Variants in RGS6 observed in about 807,000 individuals in gnomAD.
RGS6 encodes regulator of G-protein signaling 6.
In RGS6, 30 loss-of-function variants were observed where a neutral mutation model predicts 78.5. The ratio of observed to expected loss-of-function variants is 0.38; its 90% CI spans 0.29 to 0.52. The LOEUF (loss-of-function observed/expected upper bound fraction) is 0.52. Ranked by LOEUF, RGS6 falls within the 20% of genes least tolerant of loss-of-function variation. The pLI is 0.85. For missense variants in RGS6, 495 were observed against 609.7 expected (o/e 0.81, Z 1.98); for synonymous variants, 206 against 206.0 (o/e 1.00, Z 0.00).
At chr14:72,169,166 T>G (rs2096973241) in intron 2 of RGS6, among the ~76,000 whole-genome samples, 1 of 152,224 alleles carries the variant, frequency 6.6e-6, no homozygotes. Flanking sequence ...AGAGGGAGAC[T>G]TTTCACTCCC....
At chr14:72,536,338 G>A (rs1446807959) in intron 16 of RGS6, 63 bp downstream of exon 16, 65 of 1,189,946 alleles carry the variant, frequency 5.5e-5, no homozygotes, top group Non-Finnish European at 7.9e-5. Context: ...GCTTGCTGCT[G>A]GTTTGAAATG....
rs2283396 is a variant in RGS6 at position 72,302,118 on chromosome 14, T to G, written c.85-49977T>G. Among the ~76,000 whole-genome samples, 1,059 of 152,332 alleles carry G rather than the reference T, an allele frequency of 7.0e-3. 27 individuals carry two copies. Among genetic ancestry groups the G allele is most frequent in the Admixed American group, 0.042 (648 of 15,306 alleles). Reference sequence around the variant, plus strand: ...TTACTTCATTATCCCAACCTCAGCTTCTTCATCTGCAAGGTGGAAGAGGTG... The same window carrying G: ...TTACTTCATTATCCCAACCTCAGCTGCTTCATCTGCAAGGTGGAAGAGGTG... On this transcript the variant is annotated intron_variant, in intron 2 of 17. Coordinates refer to ENST00000553525, the MANE Select transcript of RGS6 (RefSeq NM_001204424.2).
chr14:72,206,636 G>C lies in RGS6; in HGVS notation c.85-145459G>C, dbSNP rs182236548. The stretch of plus-strand genomic sequence containing the variant: ...GGAGCAAGTCACTTCTTACATGGAT[G>C]GCAGCAGGCAGAAAAAGAGAGTTTG... On this transcript the variant is annotated intron_variant, in intron 2 of 17. Transcript: ENST00000553525. Among the ~76,000 whole-genome samples, 329 of 152,180 alleles carry C rather than the reference G, an allele frequency of 2.2e-3. 1 individual carries two copies. The highest frequency in any genetic ancestry group is 2.1e-3 in the Non-Finnish European group (146 of 68,002).
chr14:71,972,356 T>A (rs2093864800), intron 2 of RGS6, among the ~76,000 whole-genome samples: 1 of 149,626 alleles, frequency 6.7e-6, no homozygotes, highest in South Asian at 2.1e-4. Context: ...TTTTTTTTTA[T>A]AATTTCCCTG....
chr14:72,177,913 T>C (rs933296412), intron 2 of RGS6, among the ~76,000 whole-genome samples: 4 of 152,220 alleles, frequency 2.6e-5, no homozygotes, highest in African/African-American at 9.6e-5. Context: ...GGCTTTTCCT[T>C]GTTCAACCAG....
intron 2 of RGS6, among the ~76,000 whole-genome samples, chr14:72,250,810 A>G (rs1374861774): frequency 2.6e-5 from 4 of 152,218 alleles, no homozygotes; most frequent in Admixed American, 2.0e-4. Flanking sequence ...TGTGGATTCA[A>G]TCATTTATTC....
intron 2 of RGS6, among the ~76,000 whole-genome samples, chr14:72,142,737 T>G (rs2096557282): frequency 6.6e-6 from 1 of 152,216 alleles, no homozygotes; most frequent in Non-Finnish European, 1.5e-5. Flanking sequence ...TTACAACATT[T>G]AATGTTCAAG....
At position 72,007,481 on chromosome 14, in the gene RGS6, G is replaced by A. The variant is rs145790576; in HGVS notation, c.84+42606G>A. 8.5e-5 allele frequency among the ~76,000 whole-genome samples: 13 copies of A among 152,296 alleles called. No homozygotes were observed. In the East Asian group the frequency reaches 9.6e-4, roughly 11 times the overall value. On this transcript the variant is annotated intron_variant, in intron 2 of 17. Transcript: ENST00000553525. ...GACAAGCTTGTCCAACCCTTGGCCCGCCGGCTGCGTGCAACCCAGGATGGC... is the reference window on the plus strand; with the variant it reads ...GACAAGCTTGTCCAACCCTTGGCCCACCGGCTGCGTGCAACCCAGGATGGC...
At chr14:72,002,244 A>T (rs1457471399) in intron 2 of RGS6, among the ~76,000 whole-genome samples, 1 of 152,138 alleles carries the variant, frequency 6.6e-6, no homozygotes, top group Non-Finnish European at 1.5e-5. Context: ...CACCCCAAGT[A>T]GGAAGTCCAA....
chr14:71,903,211 T>C, the RGS6 span, among the ~76,000 whole-genome samples: 1 of 152,220 alleles, frequency 6.6e-6, no homozygotes, highest in African/African-American at 2.4e-5. Context: ...GTGTAATTCT[T>C]ATCCTCCTTT....
intron 2 of RGS6, among the ~76,000 whole-genome samples, chr14:72,041,377 T>G (rs11849365): frequency 6.6e-6 from 1 of 152,162 alleles, no homozygotes; most frequent in Non-Finnish European, 1.5e-5. Flanking sequence ...TTCTCTTGCT[T>G]TCTCTGTGAC....
At position 72,085,698 on chromosome 14, in the gene RGS6, A is replaced by G. The variant is rs965408895; in HGVS notation, c.84+120823A>G. The stretch of plus-strand genomic sequence containing the variant: ...GCGAAACCTCATCTCTACTAAAAAT[A>G]CAAAAATTAGCTGGGTGTGGTGGTG... On this transcript the variant is annotated intron_variant, in intron 2 of 17. Transcript: ENST00000553525. 3.9e-5 allele frequency among the ~76,000 whole-genome samples: 6 copies of G among 152,118 alleles called. No individual in the cohort carries two copies. In the East Asian group the frequency reaches 1.2e-3, roughly 30 times the overall value.
At chr14:72,396,381 G>T (rs1164151322) in intron 3 of RGS6, among the ~76,000 whole-genome samples, 2 of 152,062 alleles carry the variant, frequency 1.3e-5, no homozygotes, top group Non-Finnish European at 2.9e-5. Flanking sequence ...TTTTTGATGG[G>T]GTTGTTTGTT....
intron 2 of RGS6, among the ~76,000 whole-genome samples, chr14:72,076,480 G>A (rs1011249632): frequency 6.6e-6 from 1 of 152,268 alleles, no homozygotes; most frequent in Middle Eastern, 3.4e-3. Flanking sequence ...TCTCTAGAAG[G>A]AAGATTACTG....
chr14:72,117,424 T>C (rs748328158), intron 2 of RGS6, among the ~76,000 whole-genome samples: 4 of 151,984 alleles, frequency 2.6e-5, no homozygotes, highest in African/African-American at 7.2e-5. Flanking sequence ...ATGTGATGCA[T>C]TGGCTCCCCC....
the RGS6 span, among the ~76,000 whole-genome samples, chr14:72,606,831 G>C: frequency 1.6e-4 from 24 of 152,098 alleles, no homozygotes; most frequent in Admixed American, 1.5e-3. Context: ...GTTCACACTA[G>C]AACTGATTGT....
intron 2 of RGS6, among the ~76,000 whole-genome samples, chr14:72,236,723 CG>C (rs2051157648): frequency 6.6e-6 from 1 of 152,040 alleles, no homozygotes; most frequent in African/African-American, 2.4e-5. Context: ...GTGAGGGGGC[CG>C]GGCAGAGGTG....
the RGS6 span, among the ~76,000 whole-genome samples, chr14:72,577,339 A>T: frequency 3.3e-5 from 5 of 152,382 alleles, no homozygotes; most frequent in African/African-American, 1.2e-4. Context: ...AATTCCAGAC[A>T]TCAGAGCAAA....
chr14:72,055,525 G>A (rs867243137), intron 2 of RGS6, among the ~76,000 whole-genome samples: 20 of 151,984 alleles, frequency 1.3e-4, no homozygotes, highest in African/African-American at 4.3e-4. Context: ...TCTCACCCTC[G>A]CTAGAAATAT....
Sources: gnomAD v4.1 joint callset for allele counts (sites outside exome capture counted in the v4.1 genomes callset) on GRCh38, gnomAD v4.1.1 for gene constraint, MANE v1.5 for transcripts, NCBI Gene and HGNC (gene_info 2026-07-23, HGNC 2026-07-21) for gene names.